Variants in EXT1 observed in about 807,000 individuals in gnomAD.
EXT1 encodes exostosin glycosyltransferase 1.
In EXT1, 20 loss-of-function variants were observed where a neutral mutation model predicts 82.5. The observed-to-expected ratio is 0.24, with a 90% CI of 0.17 to 0.35. The LOEUF (loss-of-function observed/expected upper bound fraction) is 0.35. Ranked by LOEUF, EXT1 falls within the 10% of genes least tolerant of loss-of-function variation. EXT1 has a pLI of 1.00. For synonymous variants in EXT1, 348 were observed against 350.8 expected (o/e 0.99, Z 0.09); for missense variants, 757 against 936.5 (o/e 0.81, Z 2.50).
At chr8:117,921,074 TTC>T (rs1813846306) in intron 1 of EXT1, among the ~76,000 whole-genome samples, 1 of 152,336 alleles carries the variant, frequency 6.6e-6, no homozygotes, top group African/African-American at 2.4e-5. Flanking sequence ...TTATATTCCT[TTC>T]TCTGTTTCAA....
intron 1 of EXT1, among the ~76,000 whole-genome samples, chr8:117,997,675 C>T (rs1017812499): frequency 6.6e-6 from 1 of 152,184 alleles, no homozygotes; most frequent in African/African-American, 2.4e-5. Context: ...AATACAATTT[C>T]CATTATTCAG....
intron 1 of EXT1, among the ~76,000 whole-genome samples, chr8:117,863,165 C>A (rs1345871779): frequency 6.9e-6 from 1 of 145,634 alleles, no homozygotes; most frequent in East Asian, 1.9e-4. Flanking sequence ...ATAACCTTCA[C>A]TTATTTCTCA....
At chr8:117,931,903 G>A (rs1168744439) in intron 1 of EXT1, among the ~76,000 whole-genome samples, 1 of 152,154 alleles carries the variant, frequency 6.6e-6, no homozygotes, top group Non-Finnish European at 1.5e-5. Context: ...TTTGCAAGTC[G>A]AAGCAGTGAG....
intron 1 of EXT1, among the ~76,000 whole-genome samples, chr8:117,845,589 A>G (rs1392957306): frequency 6.6e-6 from 1 of 152,146 alleles, no homozygotes; most frequent in Admixed American, 6.5e-5. Context: ...ATAGCTATTA[A>G]TAACAACTTT....
Position 117,837,102 on chromosome 8 carries a change from T to C in EXT1, c.1056+6A>G. ...CCTATTCTGGGAAGGCTCCAGGGCC[T>C]CTTACCTGCAAAGCCTCCAGGAATC... On this transcript the variant is annotated splice_donor_region_variant and intron_variant, in intron 2 of 10. Coordinates refer to ENST00000378204, the MANE Select transcript of EXT1 (RefSeq NM_000127.3). 1.2e-6 allele frequency: 2 copies of C among 1,612,724 alleles called. No homozygotes were observed. The highest frequency in any genetic ancestry group is 1.7e-6 in the Non-Finnish European group (2 of 1,178,824).
rs775687125 is a variant in EXT1 at position 118,025,377 on chromosome 8, C to G, written c.962+84708G>C. Among the ~76,000 whole-genome samples the G allele has an allele frequency of 7.6e-4, 115 of 152,112 alleles. 1 individual carries two copies. Among genetic ancestry groups the G allele is most frequent in the Middle Eastern group, 3.4e-3 (1 of 294 alleles). ...CAACATTCCAGCCAAAGAATGTTGGCTCATGGAATAAAAACAAAAACAAAA... is the reference window on the plus strand; with the variant it reads ...CAACATTCCAGCCAAAGAATGTTGGGTCATGGAATAAAAACAAAAACAAAA... On this transcript the variant is annotated intron_variant, in intron 1 of 10. Transcript: ENST00000378204.
intron 1 of EXT1, among the ~76,000 whole-genome samples, chr8:117,995,513 T>C (rs1002680687): frequency 1.3e-5 from 2 of 152,064 alleles, no homozygotes; most frequent in African/African-American, 4.8e-5. Flanking sequence ...ATGAAGGACG[T>C]GGTTGGCAGG....
chr8:117,858,050 T>A (rs1319480087), intron 1 of EXT1, among the ~76,000 whole-genome samples: 1 of 152,192 alleles, frequency 6.6e-6, no homozygotes, highest in African/African-American at 2.4e-5. Context: ...ATTGCAGCAA[T>A]CTTATAAAAC....
At chr8:118,019,428 T>C (rs1036446122) in intron 1 of EXT1, among the ~76,000 whole-genome samples, 1 of 152,106 alleles carries the variant, frequency 6.6e-6, no homozygotes, top group Non-Finnish European at 1.5e-5. Context: ...AGAGAGAGAA[T>C]ACGACTCAGA....
intron 1 of EXT1, among the ~76,000 whole-genome samples, chr8:117,954,737 T>TG (rs1236827461): frequency 6.6e-6 from 1 of 152,058 alleles, no homozygotes; most frequent in Non-Finnish European, 1.5e-5. Context: ...AACTCATATG[T>TG]GGGGGGGACC....
intron 1 of EXT1, among the ~76,000 whole-genome samples, chr8:118,095,607 C>T (rs1817596176): frequency 6.6e-6 from 1 of 152,160 alleles, no homozygotes; most frequent in African/African-American, 2.4e-5. Flanking sequence ...GTCAGTAAAG[C>T]AAAAGCATCT....
intron 1 of EXT1, among the ~76,000 whole-genome samples, chr8:117,898,755 T>C (rs543290265): frequency 6.6e-6 from 1 of 152,278 alleles, no homozygotes; most frequent in East Asian, 1.9e-4. Context: ...TCCAATTCTA[T>C]TTGTTATCTT....
At chr8:117,830,466 T>C in intron 3 of EXT1, 117 bp from the exon 4 acceptor site, 7 of 1,103,756 alleles carry the variant, frequency 6.3e-6, no homozygotes, top group Middle Eastern at 3.0e-4. Flanking sequence ...TTCTAGCATA[T>C]AGATCTACTA....
rs867295566 is a variant in EXT1 at position 117,873,473 on chromosome 8, T to G, written c.963-36272A>C. The stretch of plus-strand genomic sequence containing the variant: ...TTTTTTTTTTTTTTTTTTTTTTTTT[T>G]GAGACAGGGTATTGCTCTGTCACCC... On this transcript the variant is annotated intron_variant, in intron 1 of 10. Transcript: ENST00000378204. 6.2e-3 allele frequency among the ~76,000 whole-genome samples: 753 copies of G among 121,688 alleles called. 11 individuals carry two copies. The highest frequency in any genetic ancestry group is 0.022 in the African/African-American group (716 of 32,696). The allele number at this position is 121,688 out of a possible 152,430, so 79.8% of individuals were successfully genotyped here. A position where few individuals can be genotyped will look rare whatever the true frequency, so the allele number is the denominator to read the frequency against.
At chr8:118,074,516 C>T (rs1289873889) in intron 1 of EXT1, among the ~76,000 whole-genome samples, 3 of 151,836 alleles carry the variant, frequency 2.0e-5, no homozygotes, top group Non-Finnish European at 4.4e-5. Flanking sequence ...TCCGGCCCCG[C>T]GCACCGCGGC....
intron 1 of EXT1, among the ~76,000 whole-genome samples, chr8:117,989,292 A>G (rs1390956996): frequency 6.8e-6 from 1 of 147,994 alleles, no homozygotes; most frequent in Non-Finnish European, 1.5e-5. Flanking sequence ...GCTAAGCCAC[A>G]TTACTATGGT....
intron 1 of EXT1, among the ~76,000 whole-genome samples, chr8:117,966,402 C>A (rs1471634114): frequency 2.0e-5 from 3 of 151,600 alleles, no homozygotes. Context: ...TACAATGTCT[C>A]ATTTCATCTT....
chr8:117,938,121 G>C (rs1456801163), intron 1 of EXT1, among the ~76,000 whole-genome samples: 3 of 152,166 alleles, frequency 2.0e-5, no homozygotes, highest in Non-Finnish European at 4.4e-5. Flanking sequence ...AGACTGCAGT[G>C]CTATCCACTA....
intron 10 of EXT1, among the ~76,000 whole-genome samples, chr8:117,803,751 A>T (rs554724119): frequency 6.6e-6 from 1 of 152,314 alleles, no homozygotes; most frequent in East Asian, 1.9e-4. Flanking sequence ...TATTTCCTTG[A>T]AAATACCTTT....
Sources: allele counts gnomAD v4.1 joint callset (sites outside exome capture counted in the v4.1 genomes callset), GRCh38; gene constraint gnomAD v4.1.1; transcripts MANE v1.5; gene names NCBI Gene and HGNC (gene_info 2026-07-23, HGNC 2026-07-21).